The following GPI variants were observed in gnomAD, a reference collection of about 807,000 sequenced individuals.
GPI encodes the protein glucose-6-phosphate isomerase.
Under a neutral mutation model 75.8 loss-of-function variants are expected in GPI, and 56 were observed. The ratio of observed to expected loss-of-function variants is 0.74; its 90% confidence interval spans 0.60 to 0.92. GPI has a LOEUF of 0.92. Ranked by LOEUF, GPI falls within the 40% of genes least tolerant of loss-of-function variation. GPI has a pLI of 0.00. For synonymous variants in GPI, 288 were observed against 285.4 expected (o/e 1.01, Z -0.09); for missense variants, 638 against 741.0 (o/e 0.86, Z 1.61).
chr19:34,393,761 C>G lies in GPI; in HGVS notation c.899C>G (p.Ala300Gly). The part of the protein sequence containing the change: ...FDNFEQLLSG[A>G]HWMDQHFRTT... Reference sequence around the variant, plus strand: ...AACTTCGAGCAGCTGCTCTCGGGGGCTCACTGGATGGTGAGTGCTGAGGCT... The same window carrying G: ...AACTTCGAGCAGCTGCTCTCGGGGGGTCACTGGATGGTGAGTGCTGAGGCT... Residue 300 changes from alanine to glycine, a missense_variant, in exon 11 of 18, where the codon GCT becomes GGT. Ala to Gly is a moderately conservative substitution (Grantham distance 60). Coordinates refer to ENST00000356487, the MANE Select transcript of GPI (RefSeq NM_000175.5). This position sits in a 1 kb window ranked among gnomAD's most constrained non-coding sequence, Gnocchi z 4.4. 6.2e-7 allele frequency: 1 copy of G among 1,613,236 alleles called. No homozygotes were observed. The highest frequency in any genetic ancestry group is 8.5e-7 in the Non-Finnish European group (1 of 1,179,982).
At chr19:34,392,830 C>T (rs749809998) in intron 9 of GPI, 9 of 177,000 alleles carry the variant, frequency 5.1e-5, no homozygotes, top group Admixed American at 1.8e-4. Flanking sequence ...TGGGTGTGTC[C>T]GTGTCTGAGG....
In GPI at chr19:34,393,781, G is replaced by A. The variant is rs1172448056; in HGVS notation, c.909+10G>A. 6.2e-7 allele frequency: 1 copy of A among 1,612,812 alleles called. No homozygotes were observed. Among genetic ancestry groups the A allele is most frequent in the East Asian group, 2.2e-5 (1 of 44,878 alleles). On this transcript the variant is annotated intron_variant, in intron 11 of 17. Transcript: ENST00000356487. The surrounding 1 kb of genome is among the most constrained non-coding windows in gnomAD (Gnocchi z 4.4). Reference sequence around the variant, plus strand: ...GGGGGCTCACTGGATGGTGAGTGCTGAGGCTGGTTCTCTGCCAAGTGCTGG... The same window carrying A: ...GGGGGCTCACTGGATGGTGAGTGCTAAGGCTGGTTCTCTGCCAAGTGCTGG...
At position 34,377,503 on chromosome 19, in the gene GPI, C is replaced by T. The variant is rs200500416; in HGVS notation, c.403C>T (p.Arg135Cys). The T allele has an allele frequency of 1.6e-5, 25 of 1,609,654 alleles. No individual in the cohort carries two copies. The East Asian group carries it at 2.5e-4, about 16-fold the overall frequency. Residue 135 changes from arginine (R) to cysteine (C), a missense_variant and splice_region_variant, in exon 5 of 18, where the codon CGT (arginine) becomes TGT (cysteine). By Grantham distance (180) the Arg-to-Cys change is radical. Transcript: ENST00000356487. ...GATGGCATCTTCGCCCCTGTGCCAGCGTGTCCGGAGCGGTGACTGGAAGGG... is the reference window on the plus strand; with the variant it reads ...GATGGCATCTTCGCCCCTGTGCCAGTGTGTCCGGAGCGGTGACTGGAAGGG... ...VLDKMKSFCQ[R>C]VRSGDWKGYT...
At chr19:34,373,636 A>G (rs989383773) in intron 4 of GPI, among the ~76,000 whole-genome samples, 2 of 152,106 alleles carry the variant, frequency 1.3e-5, no homozygotes, top group Non-Finnish European at 2.9e-5. Context: ...TGTGTGGGAA[A>G]TTATTCCAAA....
chr19:34,372,062 C>A (rs1474972944), intron 4 of GPI, among the ~76,000 whole-genome samples: 1 of 151,636 alleles, frequency 6.6e-6, no homozygotes, highest in Admixed American at 6.6e-5. Flanking sequence ...TCCTGAGTAG[C>A]TGGGATTACA....
At position 34,377,358 on chromosome 19, in the gene GPI, T is replaced by TATATATATATATAC. The variant is rs1233755775; in HGVS notation, c.403-145_403-144insATATATATATATAC. ...AAAAATATATATATATATATATATA[T>TATATATATATATAC]GGTAAATTAAAAACAAAAAAATAGA... is the stretch of plus-strand genomic sequence containing the variant. On this transcript the variant is annotated intron_variant, in intron 4 of 17. Coordinates refer to ENST00000356487, the MANE Select transcript of GPI (RefSeq NM_000175.5). 1.3e-5 allele frequency: 4 copies of TATATATATATATAC among 299,730 alleles called. No homozygotes were observed. In the African/African-American group the frequency reaches 1.4e-4, roughly 10 times the overall value. The allele number at this position is 299,730 out of a possible 1,614,324, so 18.6% of individuals were successfully genotyped here. A position where few individuals can be genotyped will look rare whatever the true frequency, so the allele number is the denominator to read the frequency against.
chr19:34,368,820 C>T, intron 4 of GPI, 118 bp downstream of exon 4: 5 of 1,167,138 alleles, frequency 4.3e-6, no homozygotes, highest in Non-Finnish European at 6.3e-6. Flanking sequence ...GTTCTCACTG[C>T]AGCTTAAGGG....
Position 34,379,527 on chromosome 19 carries a change from G to A in GPI, c.715G>A (p.Val239Met). ...GCTCTGTCTCTTGTAGCCTTCTGCA[G>A]TGGCGAAGCACTTTGTTGCCCTGTC... The part of the protein sequence containing the change: ...FLQAAKDPSA[V>M]AKHFVALSTN... Residue 239 changes from valine (V) to methionine (M), a missense_variant, in exon 8 of 18, where the codon GTG becomes ATG. Val to Met is a conservative substitution (Grantham distance 21). Transcript: ENST00000356487. 6.2e-7 allele frequency: 1 copy of A among 1,614,144 alleles called. No homozygotes were observed. Among genetic ancestry groups the A allele is most frequent in the East Asian group, 2.2e-5 (1 of 44,892 alleles).
intron 1 of GPI, 196 bp downstream of exon 1, chr19:34,365,584 T>G (rs2074349101): frequency 2.2e-6 from 2 of 924,430 alleles, no homozygotes; most frequent in South Asian, 1.4e-5. Flanking sequence ...GCTTGCAGCC[T>G]CGCCGGGAGT....
Position 34,401,252 on chromosome 19 carries a change from CTG to C in GPI, c.*1218_*1219del, listed in dbSNP as rs2075018338. 1 of 151,486 alleles carries C rather than the reference CTG, an allele frequency of 6.6e-6. No individual in the cohort carries two copies. The highest frequency in any genetic ancestry group is 2.1e-4 in the South Asian group (1 of 4,792). 9.4% of individuals were successfully genotyped at this position (151,486 alleles called of 1,614,324 possible). The stretch of plus-strand genomic sequence containing the variant: ...TTTTTTTTTGAGACGGAGTCTCGCT[CTG>C]TCGCCCAAGCTGGAGTGCAGTAGCA... On this transcript the variant is annotated 3_prime_UTR_variant, in exon 18 of 18. Coordinates refer to ENST00000356487, the MANE Select transcript of GPI (RefSeq NM_000175.5).
chr19:34,381,672 G>A, intron 9 of GPI, 153 bp downstream of exon 9: 1 of 733,530 alleles, frequency 1.4e-6, no homozygotes, highest in Non-Finnish European at 2.5e-6. Flanking sequence ...AGGCTTGGAG[G>A]GCAAGAGCAA....
At chr19:34,387,634 A>G (rs1164221462) in intron 9 of GPI, among the ~76,000 whole-genome samples, 1 of 152,120 alleles carries the variant, frequency 6.6e-6, no homozygotes, top group Non-Finnish European at 1.5e-5. Context: ...ATCCAGGCTC[A>G]GTGCTGGTAT....
chr19:34,391,496 A>G (rs1021564050), intron 9 of GPI, among the ~76,000 whole-genome samples: 13 of 936 alleles, frequency 0.014, no homozygotes, highest in Admixed American at 0.013. Context: ...CTTAGGAGGT[A>G]CGATCTCTTA....
At chr19:34,385,032 C>CAAA (rs745653788) in intron 9 of GPI, among the ~76,000 whole-genome samples, 10 of 64,644 alleles carry the variant, frequency 1.5e-4, no homozygotes, top group East Asian at 4.7e-4. Flanking sequence ...AGACTATCTC[C>CAAA]AAAAAAAAAA....
intron 3 of GPI, 97 bp downstream of exon 3, chr19:34,366,948 TG>T: frequency 1.1e-6 from 1 of 946,522 alleles, no homozygotes; most frequent in Non-Finnish European, 1.7e-6. Context: ...CCCCTTCTCT[TG>T]GGCAATGCTT....
chr19:34,395,146 A>T (rs933495865), intron 12 of GPI, among the ~76,000 whole-genome samples: 2 of 152,110 alleles, frequency 1.3e-5, no homozygotes, highest in Non-Finnish European at 2.9e-5. Flanking sequence ...AGGTTCCCCA[A>T]ATCCCAGCTG....
At chr19:34,387,219 G>C (rs952142680) in intron 9 of GPI, among the ~76,000 whole-genome samples, 1 of 152,210 alleles carries the variant, frequency 6.6e-6, no homozygotes, top group Non-Finnish European at 1.5e-5. Flanking sequence ...TGAGGCACTG[G>C]AGTTGGACAC....
chr19:34,386,800 G>C (rs117322408), intron 9 of GPI, among the ~76,000 whole-genome samples: 2,223 of 152,246 alleles, frequency 0.015, 24 homozygotes, highest in South Asian at 0.025. Flanking sequence ...TTGGTGCGTG[G>C]TTCTGGCTTA....
intron 13 of GPI, 56 bp from the exon 14 acceptor site, chr19:34,396,525 A>T: frequency 6.2e-7 from 1 of 1,611,520 alleles, no homozygotes; most frequent in East Asian, 2.2e-5. Context: ...CCTCTAGGCC[A>T]TATGGCTAGC....
Sources: allele counts gnomAD v4.1 joint callset (sites outside exome capture counted in the v4.1 genomes callset), GRCh38; gene constraint gnomAD v4.1.1; non-coding constraint Gnocchi (gnomAD v3.1); transcripts MANE v1.5; gene names NCBI Gene and HGNC (gene_info 2026-07-23, HGNC 2026-07-21).